UBASH3A: variants seen among roughly 807,000 people sequenced by gnomAD.
UBASH3A encodes ubiquitin-associated and SH3 domain-containing protein A.
Under a neutral mutation model 73.5 loss-of-function variants are expected in UBASH3A, and 63 were observed. The ratio of observed to expected loss-of-function variants is 0.86; its 90% confidence interval spans 0.70 to 1.06. The LOEUF (loss-of-function observed/expected upper bound fraction) is 1.06, where lower values mean the gene tolerates loss of function less well. Ranked by LOEUF, UBASH3A falls within the 50% of genes least tolerant of loss-of-function variation. The probability of loss-of-function intolerance (pLI) is 0.00; values close to 1 mark genes in which losing one functional copy is unlikely to be tolerated. For missense variants in UBASH3A, 860 were observed against 859.0 expected, an observed-to-expected ratio of 1.00 and a Z score of -0.02; for synonymous variants, 363 against 351.1, an observed-to-expected ratio of 1.03 and a Z score of -0.38.
intron 14 of UBASH3A, among the ~76,000 whole-genome samples, chr21:42,446,549 G>T (rs900827949): frequency 1.3e-5 from 2 of 152,252 alleles, no homozygotes; most frequent in East Asian, 1.9e-4. Flanking sequence ...AACAAAAAAG[G>T]CTTCACCACA....
Position 42,403,992 on chromosome 21 carries a change from T to C in UBASH3A, c.47T>C (p.Leu16Pro), listed in dbSNP as rs748248067. 1 of 1,528,186 alleles carries C rather than the reference T, an allele frequency of 6.5e-7. No individual in the cohort carries two copies. Among genetic ancestry groups the C allele is most frequent in the South Asian group, 1.2e-5 (1 of 81,150 alleles). The allele number at this position is 1,528,186 out of a possible 1,614,324, so 94.7% of individuals were successfully genotyped here. Residue 16 changes from leucine to proline, a missense_variant, in exon 1 of 15, where the codon CTC becomes CCC. Transcript: ENST00000319294. ...TQLYAKVSNK[L>P]KSRSSPSLLE... ...CTCTACGCCAAGGTCTCCAACAAGC[T>C]CAAGAGCCGCAGCAGCCCCTCGCTC...
At chr21:42,430,010 C>T (rs2053500785) in intron 8 of UBASH3A, among the ~76,000 whole-genome samples, 1 of 152,110 alleles carries the variant, frequency 6.6e-6, no homozygotes, top group Non-Finnish European at 1.5e-5. Flanking sequence ...GGAAATTCTG[C>T]ATCGTCCGGG....
chr21:42,415,588 C>T (rs1461171939), intron 5 of UBASH3A, among the ~76,000 whole-genome samples: 1 of 152,198 alleles, frequency 6.6e-6, no homozygotes, highest in African/African-American at 2.4e-5. Flanking sequence ...TACGTCTGTG[C>T]ACCGACACGG....
chr21:42,447,348 C>A lies in UBASH3A; in HGVS notation c.*154C>A. ...CTTTTATATCCCGGAATATTTCCCT[C>A]CGGCTTTCGCCTTTGTAACTCCCAT... On this transcript the variant is annotated 3_prime_UTR_variant, in exon 15 of 15. Coordinates refer to ENST00000319294, the MANE Select transcript of UBASH3A (RefSeq NM_018961.4). 1.2e-6 allele frequency: 1 copy of A among 813,746 alleles called. No individual in the cohort carries two copies. The allele number at this position is 813,746 out of a possible 1,614,324, so 50.4% of individuals were successfully genotyped here. A position where few individuals can be genotyped will look rare whatever the true frequency, so the allele number is the denominator to read the frequency against.
In UBASH3A at chr21:42,403,953, C is replaced by T. The variant is rs777017359; in HGVS notation, c.8C>T (p.Ala3Val). ...GCCTAAGGGCAGGAAGAGATGGCAG[C>T]GGGGGAGACGCAGCTCTACGCCAAG... is the stretch of plus-strand genomic sequence containing the variant. Reference protein sequence around the residue: MAAGETQLYAKVS... With the variant: MAVGETQLYAKVS... Residue 3 changes from alanine (A) to valine (V), a missense_variant, in exon 1 of 15, where the codon GCG (alanine) becomes GTG (valine). Ala to Val is a moderately conservative substitution (Grantham distance 64). Coordinates refer to ENST00000319294, the MANE Select transcript of UBASH3A (RefSeq NM_018961.4). 5.3e-6 allele frequency: 8 copies of T among 1,504,652 alleles called. No homozygotes were observed. Among genetic ancestry groups the T allele is most frequent in the Non-Finnish European group, 7.1e-6 (8 of 1,119,722 alleles). The allele number at this position is 1,504,652 out of a possible 1,614,324, so 93.2% of individuals were successfully genotyped here.
intron 6 of UBASH3A, among the ~76,000 whole-genome samples, chr21:42,417,859 CT>C (rs200264316): frequency 0.011 from 1,385 of 125,638 alleles, 32 homozygotes; most frequent in East Asian, 0.036. Context: ...AAATGTATCT[CT>C]TTTTTTTTTC....
intron 9 of UBASH3A, among the ~76,000 whole-genome samples, chr21:42,434,143 T>C (rs2053585539): frequency 6.6e-6 from 1 of 152,072 alleles, no homozygotes; most frequent in African/African-American, 2.4e-5. Flanking sequence ...GGGCTATGGG[T>C]GTTACCTCAC....
At chr21:42,424,552 G>A (rs1430410000) in intron 7 of UBASH3A, among the ~76,000 whole-genome samples, 1 of 152,152 alleles carries the variant, frequency 6.6e-6, no homozygotes, top group South Asian at 2.1e-4. Flanking sequence ...ACCCCTGTGG[G>A]ACAAACAACA....
At chr21:42,411,899 G>A (rs2053106096) in intron 3 of UBASH3A, among the ~76,000 whole-genome samples, 1 of 152,246 alleles carries the variant, frequency 6.6e-6, no homozygotes. Flanking sequence ...GAGTGCCGTT[G>A]AGGGTTGCAG....
chr21:42,428,771 C>T (rs1038533212), intron 8 of UBASH3A, among the ~76,000 whole-genome samples: 4 of 152,070 alleles, frequency 2.6e-5, no homozygotes, highest in Non-Finnish European at 5.9e-5. Flanking sequence ...CTAAACCGTG[C>T]TTTCAATGGC....
intron 9 of UBASH3A, among the ~76,000 whole-genome samples, chr21:42,434,058 T>G (rs1396253467): frequency 6.6e-6 from 1 of 152,038 alleles, no homozygotes; most frequent in Admixed American, 6.6e-5. Context: ...TGTGTGAGGA[T>G]AATCAGTCAT....
intron 6 of UBASH3A, 46 bp from the exon 7 acceptor site, chr21:42,418,355 T>G: frequency 6.4e-7 from 1 of 1,570,712 alleles, no homozygotes; most frequent in Non-Finnish European, 8.8e-7. Flanking sequence ...CATTTTCCAA[T>G]GTAAATCTTT....
At chr21:42,442,694 A>G (rs1289519189) in intron 12 of UBASH3A, 98 bp downstream of exon 12, 1 of 1,338,984 alleles carries the variant, frequency 7.5e-7, no homozygotes, top group East Asian at 2.3e-5. Flanking sequence ...GACTTTATTC[A>G]AGAGGGACCA....
Position 42,412,949 on chromosome 21 carries a change from A to G in UBASH3A, c.355-75A>G, listed in dbSNP as rs981165154. On this transcript the variant is annotated intron_variant, in intron 3 of 14. Coordinates refer to ENST00000319294, the MANE Select transcript of UBASH3A (RefSeq NM_018961.4). ...AGAATCTCACTTTAATTGCTGCCTG[A>G]TTGTTATTAATTAAATTAATAGATG... 9 of 1,225,896 alleles carry G rather than the reference A, an allele frequency of 7.3e-6. No individual in the cohort carries two copies. In the African/African-American group the frequency reaches 1.4e-4, roughly 18 times the overall value. The allele number at this position is 1,225,896 out of a possible 1,614,324, so 75.9% of individuals were successfully genotyped here.
chr21:42,411,749 C>A (rs895891457), intron 3 of UBASH3A, among the ~76,000 whole-genome samples: 1 of 152,208 alleles, frequency 6.6e-6, no homozygotes, highest in Non-Finnish European at 1.5e-5. Context: ...AAAATGAAAA[C>A]ACTAATCTTC....
In UBASH3A at chr21:42,416,630, G is replaced by A. The variant is rs772347926; in HGVS notation, c.837+19G>A. The A allele has an allele frequency of 2.6e-6, 4 of 1,526,056 alleles. No individual in the cohort carries two copies. In the South Asian group the frequency reaches 4.9e-5, roughly 19 times the overall value. The allele number at this position is 1,526,056 out of a possible 1,614,324, so 94.5% of individuals were successfully genotyped here. On this transcript the variant is annotated intron_variant, in intron 6 of 14. Coordinates refer to ENST00000319294, the MANE Select transcript of UBASH3A (RefSeq NM_018961.4). ...CTACCAGGTGAGAGAGCTGAGCAGG[G>A]GCTCATAAGAAGCAGATGAATGGGC...
intron 10 of UBASH3A, among the ~76,000 whole-genome samples, chr21:42,436,589 T>C (rs111909080): frequency 0.014 from 2,109 of 152,320 alleles, 62 homozygotes; most frequent in African/African-American, 0.048. Context: ...TCTGTAAAAA[T>C]CCTGTTTCCA....
At chr21:42,442,314 G>A in intron 11 of UBASH3A, 138 bp from the exon 12 acceptor site, 1 of 920,186 alleles carries the variant, frequency 1.1e-6, no homozygotes, top group Non-Finnish European at 1.7e-6. Flanking sequence ...AACGGTATTT[G>A]CCAAGAAGAA....
intron 7 of UBASH3A, among the ~76,000 whole-genome samples, chr21:42,421,878 A>T (rs1170304295): frequency 6.6e-6 from 1 of 152,250 alleles, no homozygotes; most frequent in African/African-American, 2.4e-5. Context: ...AGATGGTTTA[A>T]TAGTACCTGA....
Sources: gnomAD v4.1 joint callset for allele counts (sites outside exome capture counted in the v4.1 genomes callset) on GRCh38, gnomAD v4.1.1 for gene constraint, MANE v1.5 for transcripts, NCBI Gene and HGNC (gene_info 2026-07-23, HGNC 2026-07-21) for gene names.